NDUFAF7: variants seen among roughly 807,000 people sequenced by gnomAD.
NDUFAF7 encodes protein arginine methyltransferase NDUFAF7, mitochondrial.
NDUFAF7 carries 48 observed loss-of-function variants against 47.2 expected under a neutral mutation model. The observed-to-expected ratio is 1.02, with a 90% CI of 0.81 to 1.29. The LOEUF (loss-of-function observed/expected upper bound fraction) is 1.29. Among genes scored for constraint, NDUFAF7 ranks in the 50% most tolerant of loss-of-function variants. NDUFAF7 has a pLI of 0.00. For synonymous variants in NDUFAF7, 217 were observed against 190.0 expected, an observed-to-expected ratio of 1.14 and a Z score of -1.17; for missense variants, 635 against 537.6, an observed-to-expected ratio of 1.18 and a Z score of -1.79.
chr2:37,268,209 T>A, the NDUFAF7 span: 4 of 419,220 alleles, frequency 9.5e-6, no homozygotes, highest in African/African-American at 4.2e-5. Flanking sequence ...CTATTTATTT[T>A]AGATTAACTC....
chr2:37,256,406 A>G (rs1423038237), downstream of NDUFAF7, among the ~76,000 whole-genome samples: 5 of 152,194 alleles, frequency 3.3e-5, no homozygotes, highest in African/African-American at 9.7e-5. Context: ...AGTTAAAAAG[A>G]TATTTTAGTG....
downstream of NDUFAF7, chr2:37,254,374 C>T: frequency 2.0e-6 from 2 of 981,640 alleles, no homozygotes; most frequent in Admixed American, 1.8e-5. Context: ...CAGTTCAACC[C>T]ATAGAAATAC....
Position 37,248,491 on chromosome 2 carries a change from CCAACATT to C in NDUFAF7, c.*142_*148del. The C allele has an allele frequency of 2.4e-6, 2 of 833,952 alleles. No individual in the cohort carries two copies. The highest frequency in any genetic ancestry group is 4.0e-6 in the Non-Finnish European group (2 of 505,564). The allele number at this position is 833,952 out of a possible 1,614,324, so 51.7% of individuals were successfully genotyped here. On this transcript the variant is annotated 3_prime_UTR_variant, in exon 10 of 10. Coordinates refer to ENST00000002125, the MANE Select transcript of NDUFAF7 (RefSeq NM_144736.5). ...ACAGTCCATGTTGTATATAATACAA[CCAACATT>C]ATAGAACTTTTAGGGTTGTGACTGG...
At chr2:37,247,360 A>G in intron 8 of NDUFAF7, 96 bp from the exon 9 acceptor site, 1 of 1,415,532 alleles carries the variant, frequency 7.1e-7, no homozygotes, top group Admixed American at 1.7e-5. Flanking sequence ...CGTCACCTCA[A>G]GCATTAATGT....
At chr2:37,264,232 A>G in the NDUFAF7 span, among the ~76,000 whole-genome samples, 2 of 152,200 alleles carry the variant, frequency 1.3e-5, no homozygotes, top group Non-Finnish European at 2.9e-5. Flanking sequence ...ATTACTTTAA[A>G]AAGTTAAAGG....
chr2:37,234,144 C>T (rs1207150614), intron 2 of NDUFAF7, among the ~76,000 whole-genome samples: 5 of 152,122 alleles, frequency 3.3e-5, no homozygotes, highest in Non-Finnish European at 5.9e-5. Context: ...GGCTGGAGTG[C>T]AGTAGTGCAA....
At chr2:37,240,430 A>T (rs1344036186) in intron 4 of NDUFAF7, among the ~76,000 whole-genome samples, 1 of 151,688 alleles carries the variant, frequency 6.6e-6, no homozygotes, top group Admixed American at 6.6e-5. Context: ...ACACCAACAC[A>T]TACTCAATAT....
chr2:37,231,737 C>G lies in NDUFAF7; in HGVS notation c.32C>G (p.Pro11Arg), dbSNP rs758365105. The G allele has an allele frequency of 1.9e-6, 3 of 1,614,186 alleles. No individual in the cohort carries two copies. The highest frequency in any genetic ancestry group is 1.3e-5 in the African/African-American group (1 of 75,052). ...GTACTGCTGAGGTCAGGTTTGGGGC[C>G]GTTGTGTGCCGTGGCGCGCGCAGGT... MSVLLRSGLG[P>R]LCAVARAAIP... The change falls in exon 1 of 10, where the codon CCG (proline) becomes CGG (arginine). Residue 11 changes from proline to arginine, a missense_variant. By Grantham distance (103) the Pro-to-Arg change is moderately radical. Coordinates refer to ENST00000002125, the MANE Select transcript of NDUFAF7 (RefSeq NM_144736.5).
chr2:37,240,799 G>C (rs1027335667), intron 4 of NDUFAF7, among the ~76,000 whole-genome samples: 2 of 152,140 alleles, frequency 1.3e-5, no homozygotes, highest in African/African-American at 2.4e-5. Flanking sequence ...AGAAGTGTCA[G>C]ACCTGTTTTA....
intron 2 of NDUFAF7, among the ~76,000 whole-genome samples, chr2:37,235,843 A>G (rs375148355): frequency 1.1e-4 from 17 of 152,004 alleles, no homozygotes; most frequent in South Asian, 1.0e-3. Flanking sequence ...TGTTTTTAGT[A>G]GAGATGGGGT....
rs1278129774 is a variant in NDUFAF7 at position 37,231,775 on chromosome 2, C to G, written c.55+15C>G. The G allele has an allele frequency of 1.9e-6, 3 of 1,613,994 alleles. No individual in the cohort carries two copies. Among genetic ancestry groups the G allele is most frequent in the Non-Finnish European group, 2.5e-6 (3 of 1,180,026 alleles). On this transcript the variant is annotated intron_variant, in intron 1 of 9. Transcript: ENST00000002125. The stretch of plus-strand genomic sequence containing the variant: ...GGCGCGCGCAGGTAAGCGTCAGTCC[C>G]CTCGAAGCCCGGTTGCCGTGGAAGC...
chr2:37,253,300 T>C, downstream of NDUFAF7: 2 of 1,613,204 alleles, frequency 1.2e-6, no homozygotes, highest in East Asian at 4.5e-5. Context: ...TAATGTAACG[T>C]TCTCCAATGC....
chr2:37,236,118 T>G lies in NDUFAF7; in HGVS notation c.239T>G (p.Met80Arg). ...CAGGGTTATTATGTGTACCGTGACATGCTAGGCGAAAAAGGAGATTTCATT... is the reference window on the plus strand; with the variant it reads ...CAGGGTTATTATGTGTACCGTGACAGGCTAGGCGAAAAAGGAGATTTCATT... ...PAKGYYVYRD[M>R]LGEKGDFITS... Residue 80 changes from methionine (M) to arginine (R), a missense_variant, in exon 3 of 10, where the codon ATG (methionine) becomes AGG (arginine). Transcript: ENST00000002125. 6.2e-7 allele frequency: 1 copy of G among 1,613,292 alleles called. No homozygotes were observed. The highest frequency in any genetic ancestry group is 8.5e-7 in the Non-Finnish European group (1 of 1,179,344).
chr2:37,238,209 A>G (rs1339539192), intron 4 of NDUFAF7, among the ~76,000 whole-genome samples: 1 of 152,152 alleles, frequency 6.6e-6, no homozygotes, highest in Admixed American at 6.5e-5. Flanking sequence ...AGGTGGGCAG[A>G]TCACAAGGTC....
the NDUFAF7 span, among the ~76,000 whole-genome samples, chr2:37,262,043 TAA>T: frequency 6.6e-6 from 1 of 152,212 alleles, no homozygotes; most frequent in African/African-American, 2.4e-5. Context: ...TACACGGGGC[TAA>T]GTTGTGTTCA....
At chr2:37,253,507 T>A (rs1572594146), downstream of NDUFAF7, 1 of 494,694 alleles carries the variant, frequency 2.0e-6, no homozygotes, top group East Asian at 3.4e-5. Flanking sequence ...GTTCTACTTG[T>A]GATATTTTAA....
At chr2:37,257,941 CACT>C (rs1668112975), downstream of NDUFAF7, among the ~76,000 whole-genome samples, 1 of 152,108 alleles carries the variant, frequency 6.6e-6, no homozygotes, top group African/African-American at 2.4e-5. Flanking sequence ...GAGCCATAGT[CACT>C]ACCACATCCT....
Position 37,247,447 on chromosome 2 carries a change from A to C in NDUFAF7, c.937-9A>C. On this transcript the variant is annotated splice_polypyrimidine_tract_variant and intron_variant, in intron 8 of 9. Coordinates refer to ENST00000002125, the MANE Select transcript of NDUFAF7 (RefSeq NM_144736.5). ...AAAAGGGCAAAAATCTGATTTCTTT[A>C]TGTTCAAGGGGTTTTGCGACCACAA... is the stretch of plus-strand genomic sequence containing the variant. 6.2e-7 allele frequency: 1 copy of C among 1,613,896 alleles called. No homozygotes were observed. The highest frequency in any genetic ancestry group is 8.5e-7 in the Non-Finnish European group (1 of 1,179,856).
chr2:37,261,650 C>T, the NDUFAF7 span, among the ~76,000 whole-genome samples: 2 of 144,976 alleles, frequency 1.4e-5, no homozygotes, highest in African/African-American at 5.2e-5. Flanking sequence ...TGTGGTGGCG[C>T]AAGCCTGTAA....
Sources: allele counts gnomAD v4.1 joint callset (sites outside exome capture counted in the v4.1 genomes callset), GRCh38; gene constraint gnomAD v4.1.1; transcripts MANE v1.5; gene names NCBI Gene and HGNC (gene_info 2026-07-23, HGNC 2026-07-21).